The following BMPR1B variants were observed in gnomAD, a reference collection of about 807,000 sequenced individuals.
BMPR1B encodes the protein bone morphogenetic protein receptor type 1B.
In BMPR1B, 12 loss-of-function variants were observed where a neutral mutation model predicts 59.1. That is an observed-to-expected ratio of 0.20 (90% CI 0.13 to 0.33). The LOEUF (loss-of-function observed/expected upper bound fraction) is 0.33, where lower values mean the gene tolerates loss of function less well. BMPR1B is among the 10% of genes least tolerant of loss of function. The pLI is 1.00. For synonymous variants in BMPR1B, 237 were observed against 207.3 expected (o/e 1.14, Z -1.23); for missense variants, 550 against 610.9 (o/e 0.90, Z 1.05).
At chr4:95,144,627 AG>A (rs1392363096) in intron 10 of BMPR1B, among the ~76,000 whole-genome samples, 1 of 152,036 alleles carries the variant, frequency 6.6e-6, no homozygotes, top group Non-Finnish European at 1.5e-5. Context: ...GAATCTCTTT[AG>A]TACTCACATT....
intron 3 of BMPR1B, among the ~76,000 whole-genome samples, chr4:95,071,648 G>GCATATATATATATATATA (rs1430593586): frequency 9.5e-6 from 1 of 104,762 alleles, no homozygotes; most frequent in African/African-American, 4.0e-5. Context: ...GTGTGTGTGT[G>GCATATATATATATATATA]TGTGTATATA....
At chr4:94,903,884 C>T (rs1727928458) in intron 2 of BMPR1B, among the ~76,000 whole-genome samples, 1 of 152,030 alleles carries the variant, frequency 6.6e-6, no homozygotes, top group African/African-American at 2.4e-5. Context: ...TGATCCCAGA[C>T]TTCCAGCCTC....
intron 3 of BMPR1B, among the ~76,000 whole-genome samples, chr4:95,036,704 CTTTTTT>C (rs5860386): frequency 5.5e-5 from 7 of 128,092 alleles, no homozygotes; most frequent in Non-Finnish European, 9.8e-5. Flanking sequence ...ATACAATTTC[CTTTTTT>C]TTTTTTTTTT....
intron 1 of BMPR1B, among the ~76,000 whole-genome samples, chr4:94,817,126 A>C (rs1303292815): frequency 6.6e-6 from 1 of 152,164 alleles, no homozygotes; most frequent in Non-Finnish European, 1.5e-5. Flanking sequence ...TGAAGCCAAG[A>C]GCAGCTCTCA....
chr4:95,146,087 A>G (rs192333319), intron 10 of BMPR1B, among the ~76,000 whole-genome samples: 3 of 152,352 alleles, frequency 2.0e-5, no homozygotes, highest in East Asian at 1.9e-4. Context: ...GACTATGACA[A>G]GTATTTGGGG....
At chr4:94,874,405 A>T (rs1578747910) in intron 1 of BMPR1B, among the ~76,000 whole-genome samples, 1 of 152,124 alleles carries the variant, frequency 6.6e-6, no homozygotes, top group African/African-American at 2.4e-5. Flanking sequence ...TAATTTGACT[A>T]CCACAGCCAT....
chr4:94,919,532 C>A (rs903120840), intron 2 of BMPR1B, among the ~76,000 whole-genome samples: 6 of 151,472 alleles, frequency 4.0e-5, no homozygotes, highest in Non-Finnish European at 5.9e-5. Context: ...ATTACTACCC[C>A]CTTTATCCAC....
chr4:94,987,621 T>A (rs1013011480), intron 2 of BMPR1B, among the ~76,000 whole-genome samples: 3 of 152,144 alleles, frequency 2.0e-5, no homozygotes, highest in Non-Finnish European at 4.4e-5. Context: ...AATCCACCAA[T>A]CTTTGCTTCT....
At chr4:94,806,782 T>C (rs141763273) in intron 1 of BMPR1B, among the ~76,000 whole-genome samples, 579 of 152,298 alleles carry the variant, frequency 3.8e-3, no homozygotes, top group Non-Finnish European at 6.3e-3. Flanking sequence ...TCCCAAATAG[T>C]GTGTGGGACA....
intron 10 of BMPR1B, among the ~76,000 whole-genome samples, chr4:95,136,303 CG>C (rs1324597172): frequency 6.6e-6 from 1 of 152,136 alleles, no homozygotes; most frequent in Non-Finnish European, 1.5e-5. Flanking sequence ...CAGCTGGATT[CG>C]TTTTGCCAGT....
At chr4:94,762,164 C>T (rs1721798511) in intron 1 of BMPR1B, among the ~76,000 whole-genome samples, 1 of 152,168 alleles carries the variant, frequency 6.6e-6, no homozygotes, top group Non-Finnish European at 1.5e-5. Flanking sequence ...TAATTACATT[C>T]ATTTTTACTT....
At chr4:94,860,807 A>T (rs763294678) in intron 1 of BMPR1B, among the ~76,000 whole-genome samples, 9,481 of 150,232 alleles carry the variant, frequency 0.063, 726 homozygotes, top group African/African-American at 0.19. Flanking sequence ...CTTGGACAAA[A>T]CCTTTTATAT....
intron 2 of BMPR1B, among the ~76,000 whole-genome samples, chr4:94,922,497 ATAGTCTGTTGATAATGTTT>A (rs1728741905): frequency 6.6e-6 from 1 of 152,212 alleles, no homozygotes; most frequent in African/African-American, 2.4e-5. Context: ...ATTAATTTCA[ATAGTCTGTTGATAATGTTT>A]TAGCACTATT....
At chr4:94,781,411 T>G (rs1722585191) in intron 1 of BMPR1B, among the ~76,000 whole-genome samples, 1 of 152,140 alleles carries the variant, frequency 6.6e-6, no homozygotes, top group African/African-American at 2.4e-5. Context: ...AAGATAATAA[T>G]TTTTTATTTT....
intron 1 of BMPR1B, among the ~76,000 whole-genome samples, chr4:94,811,705 A>G (rs368965590): frequency 5.3e-5 from 8 of 152,290 alleles, no homozygotes; most frequent in African/African-American, 1.9e-4. Context: ...GGTCATGACA[A>G]CTTTCTCAAA....
chr4:95,098,942 C>G (rs577575418), intron 3 of BMPR1B, among the ~76,000 whole-genome samples: 1 of 152,126 alleles, frequency 6.6e-6, no homozygotes, highest in East Asian at 1.9e-4. Flanking sequence ...GGTCTGCATC[C>G]CCTGACCTCG....
intron 1 of BMPR1B, among the ~76,000 whole-genome samples, chr4:94,870,671 T>G (rs1220658033): frequency 6.6e-6 from 1 of 152,180 alleles, no homozygotes; most frequent in Non-Finnish European, 1.5e-5. Context: ...AAGTTTTGGT[T>G]GTGATGGGTT....
intron 2 of BMPR1B, among the ~76,000 whole-genome samples, chr4:94,986,412 A>G (rs930894443): frequency 2.0e-5 from 3 of 152,218 alleles, no homozygotes; most frequent in African/African-American, 7.2e-5. Context: ...TCATGAACGT[A>G]AAGTTTTCAA....
intron 3 of BMPR1B, among the ~76,000 whole-genome samples, chr4:95,096,811 A>T (rs1730431157): frequency 7.1e-6 from 1 of 140,982 alleles, no homozygotes; most frequent in African/African-American, 2.6e-5. Context: ...AGAATATATA[A>T]ATATAAATAT....
Sources: gnomAD v4.1 joint callset for allele counts (sites outside exome capture counted in the v4.1 genomes callset) on GRCh38, gnomAD v4.1.1 for gene constraint, MANE v1.5 for transcripts, NCBI Gene and HGNC (gene_info 2026-07-23, HGNC 2026-07-21) for gene names.